Variants in MPZL2 observed in about 807,000 individuals in gnomAD.
MPZL2 encodes the protein myelin protein zero like 2.
In MPZL2, 32 loss-of-function variants were observed where a neutral mutation model predicts 24.5. The ratio of observed to expected loss-of-function variants is 1.31; its 90% confidence interval spans 0.99 to 1.76. MPZL2 has a LOEUF of 1.76. MPZL2 is among the 40% of genes most tolerant of loss of function. The pLI is 0.00. For missense variants in MPZL2, 304 were observed against 274.9 expected, an observed-to-expected ratio of 1.11 and a Z score of -0.75; for synonymous variants, 92 against 97.9, an observed-to-expected ratio of 0.94 and a Z score of 0.36.
chr11:118,256,362 AAAAT>A (rs1434976906), intron 5 of MPZL2, among the ~76,000 whole-genome samples: 1 of 152,208 alleles, frequency 6.6e-6, no homozygotes, highest in Non-Finnish European at 1.5e-5. Flanking sequence ...GAGCATATGA[AAAAT>A]AAATTGGCCC....
rs1434899555 is a variant in MPZL2 at position 118,255,150 on chromosome 11, G to A, written c.*96C>T. 1 of 152,126 alleles carries A rather than the reference G, an allele frequency of 6.6e-6. No homozygotes were observed. The highest frequency in any genetic ancestry group is 1.5e-5 in the Non-Finnish European group (1 of 68,024). The allele number at this position is 152,126 out of a possible 1,614,324, so 9.4% of individuals were successfully genotyped here. On this transcript the variant is annotated 3_prime_UTR_variant, in exon 6 of 6. Transcript: ENST00000278937. ...TGCTGCAGAACTGGTTGGAAAACGG[G>A]TCACAACTGGAAAAGCCAAAGAAAA...
intron 1 of MPZL2, among the ~76,000 whole-genome samples, chr11:118,263,502 A>G (rs1234059303): frequency 1.3e-4 from 20 of 152,220 alleles, no homozygotes; most frequent in Admixed American, 1.3e-3. Context: ...TATGTGTTGT[A>G]TGTAAAGTGG....
rs759125618 is a variant in MPZL2, at chr11:118,264,115, GAGA to G, written c.36_38del (p.Leu14del). On this transcript the variant is annotated inframe_deletion, in exon 1 of 6. Coordinates refer to ENST00000278937, the MANE Select transcript of MPZL2 (RefSeq NM_005797.4). ...TCTTACCTGTGAGCTGTATGCCAAG[GAGA>G]AGAAGCACCGCACGAGTAGAGCTCT... is the stretch of plus-strand genomic sequence containing the variant. 1.8e-5 allele frequency: 29 copies of G among 1,614,026 alleles called. No homozygotes were observed. The highest frequency in any genetic ancestry group is 5.0e-5 in the Admixed American group (3 of 59,996).
chr11:118,261,640 T>C (rs998591783), intron 3 of MPZL2, among the ~76,000 whole-genome samples: 1 of 152,232 alleles, frequency 6.6e-6, no homozygotes, highest in African/African-American at 2.4e-5. Context: ...GACTTATTGA[T>C]AGCTGGTAAA....
chr11:118,260,493 C>G (rs1949693194), intron 3 of MPZL2, among the ~76,000 whole-genome samples: 1 of 152,180 alleles, frequency 6.6e-6, no homozygotes, highest in Non-Finnish European at 1.5e-5. Flanking sequence ...AGAGGTGCGG[C>G]TGAGCAATCT....
chr11:118,261,713 G>A (rs1166784526), intron 3 of MPZL2, among the ~76,000 whole-genome samples: 1 of 152,144 alleles, frequency 6.6e-6, no homozygotes. Flanking sequence ...GCTCTTTGTT[G>A]CTTGGCATGG....
At chr11:118,259,662 A>C (rs1207635514) in intron 4 of MPZL2, 1 of 154,478 alleles carries the variant, frequency 6.5e-6, no homozygotes, top group Non-Finnish European at 1.4e-5. Context: ...ATTTTAAAAT[A>C]CATTTAATGA....
rs146689036 is a variant in MPZL2 at position 118,262,936 on chromosome 11, G to A, written c.220C>T (p.Gln74Ter). ...AATGATGATAATCTACTTACAAACT[G>A]CTCAGGTCCCCCGTCTAGAGGACGA... ...NFRPLDGGPE[Q>*]FVFYYHIDPF... Residue 74 changes from glutamine (Q) to a stop codon, truncating the protein, a stop_gained, in exon 2 of 6, where the codon CAG becomes TAG. Transcript: ENST00000278937. LOFTEE classifies it high-confidence loss of function. 255 of 1,613,904 alleles carry A rather than the reference G, an allele frequency of 1.6e-4. 2 individuals are homozygous for A. In the East Asian group the frequency reaches 4.9e-3, roughly 31 times the overall value.
In MPZL2 at chr11:118,259,841, A is replaced by G. The variant is rs1949687181; in HGVS notation, c.584+213T>C. The G allele has an allele frequency of 1.4e-5, 7 of 500,870 alleles. No homozygotes were observed. The South Asian group carries it at 2.5e-4, about 18-fold the overall frequency. 31.0% of individuals were successfully genotyped at this position (500,870 alleles called of 1,614,324 possible). ...GTAAAATCAACCCCCCCACATAGTA[A>G]AGAAATCCCATAAGGAAATATTTTG... On this transcript the variant is annotated intron_variant, in intron 4 of 5. Transcript: ENST00000278937.
Position 118,264,149 on chromosome 11 carries a change from T to C in MPZL2, c.5A>G (p.Tyr2Cys). The change falls in exon 1 of 6, where the codon TAT becomes TGT. Residue 2 changes from tyrosine (Y) to cysteine (C), a missense_variant. Physicochemically the swap from Tyr to Cys is radical, Grantham distance 194 (BLOSUM62 -2). Transcript: ENST00000278937. ...CACCGCACGAGTAGAGCTCTTGCCA[T>C]ACATGAGGGAAACCCAGCCTTGGCC... is the stretch of plus-strand genomic sequence containing the variant. MYGKSSTRAVLL... is the reference protein window; with the variant it reads MCGKSSTRAVLL... The C allele has an allele frequency of 6.2e-7, 1 of 1,613,976 alleles. No homozygotes were observed. Among genetic ancestry groups the C allele is most frequent in the Non-Finnish European group, 8.5e-7 (1 of 1,179,990 alleles).
chr11:118,261,977 A>G (rs1258572725), intron 3 of MPZL2, among the ~76,000 whole-genome samples: 1 of 152,210 alleles, frequency 6.6e-6, no homozygotes, highest in East Asian at 1.9e-4. Flanking sequence ...GACATTTGGG[A>G]AGTACTCAGT....
In MPZL2 at chr11:118,260,104, G is replaced by C. The variant is rs1449256811; in HGVS notation, c.534C>G (p.Tyr178Ter). The stretch of plus-strand genomic sequence containing the variant: ...CTCTTTCGGCCCATCGCTTTTTCCG[G>C]TAATGCTGGAAGAGGACCACTACAA... ...IVIVVVLFQHYRKKRWAERAH... is the reference protein window; with the variant it reads ...IVIVVVLFQH Residue 178 changes from tyrosine (Y) to a stop codon, truncating the protein, a stop_gained, in exon 4 of 6, where the codon TAC becomes TAG. Transcript: ENST00000278937. LOFTEE classifies it high-confidence loss of function. The C allele has an allele frequency of 1.2e-5, 20 of 1,613,908 alleles. No individual in the cohort carries two copies. Among genetic ancestry groups the C allele is most frequent in the Non-Finnish European group, 1.7e-5 (20 of 1,179,974 alleles).
At position 118,254,457 on chromosome 11, in the gene MPZL2, G is replaced by A. The variant is rs1053517972; in HGVS notation, c.*789C>T. 6.6e-6 allele frequency: 1 copy of A among 152,138 alleles called. No homozygotes were observed. Among genetic ancestry groups the A allele is most frequent in the Admixed American group, 6.5e-5 (1 of 15,274 alleles). The allele number at this position is 152,138 out of a possible 1,614,324, so 9.4% of individuals were successfully genotyped here. A position where few individuals can be genotyped will look rare whatever the true frequency, so the allele number is the denominator to read the frequency against. On this transcript the variant is annotated 3_prime_UTR_variant, in exon 6 of 6. Coordinates refer to ENST00000278937, the MANE Select transcript of MPZL2 (RefSeq NM_005797.4). ...TTGAATTGGGGGGGAAACATAGTAA[G>A]CTAAACTATCCGTCACTGCTCATGA... is the stretch of plus-strand genomic sequence containing the variant.
chr11:118,262,224 T>C (rs1363522504), intron 3 of MPZL2, among the ~76,000 whole-genome samples: 1 of 152,234 alleles, frequency 6.6e-6, no homozygotes, highest in Non-Finnish European at 1.5e-5. Context: ...TCCTTTGCTT[T>C]ACTTTCTGTT....
At chr11:118,262,820 C>A in intron 2 of MPZL2, 111 bp downstream of exon 2, 1 of 1,442,794 alleles carries the variant, frequency 6.9e-7, no homozygotes, top group South Asian at 1.3e-5. Context: ...TGTTTCCGAG[C>A]TTAACCTTGT....
chr11:118,262,145 T>C (rs919124820), intron 3 of MPZL2, among the ~76,000 whole-genome samples: 23 of 152,192 alleles, frequency 1.5e-4, no homozygotes, highest in African/African-American at 4.8e-4. Context: ...GTTGTAAGCC[T>C]TTCATCAAAG....
rs1454270222 is a variant in MPZL2 at position 118,254,445 on chromosome 11, G to A, written c.*801C>T. The A allele has an allele frequency of 6.6e-6, 1 of 152,148 alleles. No homozygotes were observed. Among genetic ancestry groups the A allele is most frequent in the Non-Finnish European group, 1.5e-5 (1 of 68,024 alleles). The allele number at this position is 152,148 out of a possible 1,614,324, so 9.4% of individuals were successfully genotyped here. On this transcript the variant is annotated 3_prime_UTR_variant, in exon 6 of 6. Transcript: ENST00000278937. ...TGTTATAGATCATTGAATTGGGGGG[G>A]AAACATAGTAAGCTAAACTATCCGT...
At chr11:118,263,952 G>A (rs1949720965) in intron 1 of MPZL2, 144 bp downstream of exon 1, 1 of 829,010 alleles carries the variant, frequency 1.2e-6, no homozygotes, top group South Asian at 1.7e-5. Context: ...ACCAACTTTG[G>A]TTTCAGTAAA....
intron 1 of MPZL2, 24 bp downstream of exon 1, chr11:118,264,072 T>A (rs558130274): frequency 2.5e-6 from 4 of 1,612,494 alleles, no homozygotes; most frequent in Non-Finnish European, 3.4e-6. Context: ...GAGGAAACTC[T>A]GAGAGAAGCC....
Sources: gnomAD v4.1 joint callset for allele counts (sites outside exome capture counted in the v4.1 genomes callset) on GRCh38, gnomAD v4.1.1 for gene constraint, MANE v1.5 for transcripts, NCBI Gene and HGNC (gene_info 2026-07-23, HGNC 2026-07-21) for gene names.